ARSB: variants seen among roughly 807,000 people sequenced by gnomAD.
ARSB encodes arylsulfatase B.
In ARSB, 41 loss-of-function variants were observed where a neutral mutation model predicts 50.9. The ratio of observed to expected loss-of-function variants is 0.81; its 90% CI spans 0.63 to 1.04. ARSB has a LOEUF of 1.04. Ranked by LOEUF, ARSB falls within the 50% of genes least tolerant of loss-of-function variation. The pLI is 0.00. For missense variants in ARSB, 672 were observed against 693.3 expected (o/e 0.97, Z 0.35); for synonymous variants, 269 against 284.8 (o/e 0.94, Z 0.56).
At chr5:78,945,305 T>C (rs562076703) in intron 4 of ARSB, among the ~76,000 whole-genome samples, 1 of 152,066 alleles carries the variant, frequency 6.6e-6, no homozygotes, top group East Asian at 1.9e-4. Context: ...TGTCCAACAA[T>C]CCCCAGTGAG....
intron 5 of ARSB, among the ~76,000 whole-genome samples, chr5:78,853,748 C>A (rs891977470): frequency 2.0e-5 from 3 of 152,242 alleles, no homozygotes; most frequent in Non-Finnish European, 2.9e-5. Context: ...TTTACCTAAG[C>A]AAGCCTGGGC....
intron 2 of ARSB, among the ~76,000 whole-genome samples, chr5:78,968,356 TA>T (rs1752300292): frequency 1.4e-5 from 2 of 146,088 alleles, no homozygotes; most frequent in African/African-American, 2.5e-5. Context: ...TTATTATTAT[TA>T]TTATTTTTGA....
At chr5:78,785,044 C>T (rs912452355) in intron 6 of ARSB, among the ~76,000 whole-genome samples, 10 of 152,244 alleles carry the variant, frequency 6.6e-5, no homozygotes, top group Middle Eastern at 3.4e-3. Context: ...ATGATCCGCC[C>T]GCCTTGGCCT....
At chr5:78,971,127 G>T (rs1309460099) in intron 1 of ARSB, among the ~76,000 whole-genome samples, 1 of 152,220 alleles carries the variant, frequency 6.6e-6, no homozygotes, top group East Asian at 1.9e-4. Flanking sequence ...TACTAGACAA[G>T]TTCAAAAGGC....
chr5:78,944,311 T>C (rs1281185582), intron 4 of ARSB, among the ~76,000 whole-genome samples: 2 of 152,258 alleles, frequency 1.3e-5, no homozygotes, highest in African/African-American at 4.8e-5. Flanking sequence ...CTTTGTTCCG[T>C]TGCTGGTGAG....
intron 6 of ARSB, among the ~76,000 whole-genome samples, chr5:78,838,255 G>A (rs1216631081): frequency 6.6e-6 from 1 of 152,156 alleles, no homozygotes; most frequent in African/African-American, 2.4e-5. Context: ...ACATGGGGCT[G>A]GGTTTTTAAG....
At chr5:78,931,392 T>C (rs79793541) in intron 4 of ARSB, among the ~76,000 whole-genome samples, 1,816 of 152,234 alleles carry the variant, frequency 0.012, 32 homozygotes, top group African/African-American at 0.042. Context: ...CTTGAATCTA[T>C]TACTAATGAC....
chr5:78,893,195 C>T (rs1397892902), intron 4 of ARSB, among the ~76,000 whole-genome samples: 1 of 152,150 alleles, frequency 6.6e-6, no homozygotes. Flanking sequence ...TGCCTTTGTT[C>T]TTCCCTCACC....
intron 5 of ARSB, among the ~76,000 whole-genome samples, chr5:78,858,484 T>A (rs1325726555): frequency 6.6e-6 from 1 of 152,196 alleles, no homozygotes; most frequent in East Asian, 1.9e-4. Context: ...CACAGCACTG[T>A]CCATTTATAA....
At chr5:78,905,371 T>C (rs1250057254) in intron 4 of ARSB, among the ~76,000 whole-genome samples, 1 of 111,814 alleles carries the variant, frequency 8.9e-6, no homozygotes, top group African/African-American at 3.0e-5. Flanking sequence ...TAATGAGTAA[T>C]TTTGGACTGT....
chr5:78,955,195 A>T, intron 4 of ARSB, 100 bp downstream of exon 4: 2 of 1,169,112 alleles, frequency 1.7e-6, no homozygotes, highest in Non-Finnish European at 1.3e-6. Context: ...CATTTATTTT[A>T]ATAAGGCAAT....
chr5:78,874,204 T>G (rs1289634598), intron 5 of ARSB, among the ~76,000 whole-genome samples: 1 of 152,206 alleles, frequency 6.6e-6, no homozygotes, highest in Non-Finnish European at 1.5e-5. Flanking sequence ...TCCTGAGAAA[T>G]CTATTCAAGG....
At chr5:78,785,550 A>G (rs1415563723) in intron 6 of ARSB, among the ~76,000 whole-genome samples, 1 of 143,878 alleles carries the variant, frequency 7.0e-6, no homozygotes, top group African/African-American at 2.9e-5. Context: ...ACTTTATCTG[A>G]TGTATAGATA....
intron 6 of ARSB, among the ~76,000 whole-genome samples, chr5:78,808,233 C>G (rs77681248): frequency 1.3e-5 from 2 of 150,646 alleles, no homozygotes; most frequent in East Asian, 3.9e-4. Flanking sequence ...TTACCTCCCA[C>G]CCCCTCCTCC....
intron 5 of ARSB, among the ~76,000 whole-genome samples, chr5:78,879,806 G>C (rs1747659835): frequency 6.6e-6 from 1 of 152,166 alleles, no homozygotes; most frequent in African/African-American, 2.4e-5. Context: ...AATGCTGTGA[G>C]AAGCACCAAC....
intron 5 of ARSB, chr5:78,884,877 G>A (rs912876900): frequency 2.6e-5 from 4 of 152,196 alleles, no homozygotes; most frequent in Non-Finnish European, 5.9e-5. Flanking sequence ...TACACTGTGG[G>A]GGTTAAACAG....
At chr5:78,974,157 C>T (rs1752571066) in intron 1 of ARSB, among the ~76,000 whole-genome samples, 2 of 152,218 alleles carry the variant, frequency 1.3e-5, no homozygotes, top group African/African-American at 4.8e-5. Flanking sequence ...AAAATCTGCT[C>T]CCTCCCCACA....
intron 6 of ARSB, among the ~76,000 whole-genome samples, chr5:78,792,550 C>A (rs1050137592): frequency 8.5e-5 from 13 of 152,126 alleles, no homozygotes; most frequent in African/African-American, 2.9e-4. Context: ...TTTTTCTTAT[C>A]TTATAAAGTC....
chr5:78,942,119 A>G (rs1177705340), intron 4 of ARSB, among the ~76,000 whole-genome samples: 5 of 152,096 alleles, frequency 3.3e-5, no homozygotes, highest in African/African-American at 9.7e-5. Flanking sequence ...CTGTGGGATC[A>G]GTGGTGATAT....
Sources: gnomAD v4.1 joint callset for allele counts (sites outside exome capture counted in the v4.1 genomes callset) on GRCh38, gnomAD v4.1.1 for gene constraint, MANE v1.5 for transcripts, NCBI Gene and HGNC (gene_info 2026-07-23, HGNC 2026-07-21) for gene names.